KDM4C: variants seen among roughly 807,000 people sequenced by gnomAD.
KDM4C encodes lysine-specific demethylase 4C.
Under a neutral mutation model 129.3 loss-of-function variants are expected in KDM4C, and 81 were observed. That is an observed-to-expected ratio of 0.63 (90% CI 0.52 to 0.75). KDM4C has a LOEUF of 0.75. Among genes scored for constraint, KDM4C ranks in the 30% least tolerant of loss-of-function variants. The pLI is 0.00. For missense variants in KDM4C, 1,457 were observed against 1,304.0 expected (o/e 1.12, Z -1.81); for synonymous variants, 573 against 456.1 (o/e 1.26, Z -3.26).
chr9:7,030,406 T>G (rs1826527453), intron 15 of KDM4C, among the ~76,000 whole-genome samples: 1 of 152,206 alleles, frequency 6.6e-6, no homozygotes, highest in African/African-American at 2.4e-5. Context: ...CATTATACTT[T>G]TGTCCAACCC....
At chr9:7,100,599 C>A (rs1479096966) in intron 17 of KDM4C, among the ~76,000 whole-genome samples, 1 of 152,140 alleles carries the variant, frequency 6.6e-6, no homozygotes, top group African/African-American at 2.4e-5. Flanking sequence ...CTCAGCCTCC[C>A]AAAGTACTGG....
chr9:6,864,775 C>T (rs1343557533), intron 5 of KDM4C, among the ~76,000 whole-genome samples: 1 of 151,158 alleles, frequency 6.6e-6, no homozygotes, highest in East Asian at 1.9e-4. Flanking sequence ...TAGATTTGGT[C>T]TTTAGTGGTA....
At chr9:7,016,746 C>G (rs1290342105) in intron 15 of KDM4C, among the ~76,000 whole-genome samples, 1 of 152,130 alleles carries the variant, frequency 6.6e-6, no homozygotes, top group African/African-American at 2.4e-5. Context: ...TTTCTGGTGG[C>G]AGTCCTCTAC....
chr9:6,818,327 C>G (rs1316606082), intron 4 of KDM4C, among the ~76,000 whole-genome samples: 1 of 152,134 alleles, frequency 6.6e-6, no homozygotes, highest in Non-Finnish European at 1.5e-5. Flanking sequence ...GTTTCAGTTT[C>G]AAGTGTATTG....
At chr9:6,792,808 G>A (rs1270482953) in intron 1 of KDM4C, among the ~76,000 whole-genome samples, 164 bp from the exon 2 acceptor site, 3 of 152,204 alleles carry the variant, frequency 2.0e-5, no homozygotes, top group African/African-American at 7.2e-5. Flanking sequence ...TGTTTGTTCA[G>A]GGGTTCAGGC....
chr9:6,762,729 G>C (rs574159329), intron 1 of KDM4C, among the ~76,000 whole-genome samples: 1 of 150,346 alleles, frequency 6.7e-6, no homozygotes, highest in Admixed American at 6.7e-5. Flanking sequence ...TGTGATTTTG[G>C]CTCACTGCAA....
chr9:6,855,675 T>C (rs754428113), intron 5 of KDM4C, among the ~76,000 whole-genome samples: 38 of 152,060 alleles, frequency 2.5e-4, no homozygotes, highest in Admixed American at 3.3e-4. Flanking sequence ...TCCTCTCCAT[T>C]CCTTCTTTCT....
At chr9:7,083,124 C>G (rs556102057) in intron 17 of KDM4C, among the ~76,000 whole-genome samples, 37 of 152,302 alleles carry the variant, frequency 2.4e-4, no homozygotes, top group Middle Eastern at 3.4e-3. Context: ...GTCAGTATTT[C>G]AAGTCACACA....
At chr9:7,076,973 T>C in intron 17 of KDM4C, 1 of 985,770 alleles carries the variant, frequency 1.0e-6, no homozygotes, top group Non-Finnish European at 1.2e-6. Flanking sequence ...GCCCAGAGGC[T>C]TGAATCTAAG....
chr9:6,790,346 G>A (rs1477294103), intron 1 of KDM4C, among the ~76,000 whole-genome samples: 2 of 151,222 alleles, frequency 1.3e-5, no homozygotes, highest in Non-Finnish European at 2.9e-5. Context: ...CTGGATTCAT[G>A]CCATTCTCCT....
chr9:7,096,404 G>C (rs924188297), intron 17 of KDM4C, among the ~76,000 whole-genome samples: 2 of 152,166 alleles, frequency 1.3e-5, no homozygotes, highest in Non-Finnish European at 2.9e-5. Context: ...AGGAAAAAAG[G>C]GCAGGAAGCA....
At chr9:7,134,986 A>G (rs925531450) in intron 19 of KDM4C, among the ~76,000 whole-genome samples, 3 of 152,112 alleles carry the variant, frequency 2.0e-5, no homozygotes, top group Non-Finnish European at 2.9e-5. Flanking sequence ...CTAGAATTTT[A>G]TTTCCTTTTG....
chr9:7,140,402 C>T (rs1338513048), intron 19 of KDM4C, among the ~76,000 whole-genome samples: 1 of 151,990 alleles, frequency 6.6e-6, no homozygotes, highest in Non-Finnish European at 1.5e-5. Flanking sequence ...AAAAATGTAA[C>T]CAGTGTCTAA....
chr9:6,734,288 G>GTTTTT (rs57329090), intron 1 of KDM4C, among the ~76,000 whole-genome samples: 9 of 110,272 alleles, frequency 8.2e-5, no homozygotes, highest in East Asian at 2.6e-4. Flanking sequence ...CCCATGTTTG[G>GTTTTT]TTTTTTTTTT....
intron 19 of KDM4C, among the ~76,000 whole-genome samples, chr9:7,148,937 A>C (rs142305062): frequency 6.6e-6 from 1 of 152,162 alleles, no homozygotes; most frequent in Non-Finnish European, 1.5e-5. Flanking sequence ...CCTGTTGCAG[A>C]CTTCACCCGG....
intron 1 of KDM4C, among the ~76,000 whole-genome samples, chr9:6,765,425 T>C (rs975304401): frequency 5.9e-5 from 9 of 152,336 alleles, no homozygotes; most frequent in Non-Finnish European, 1.3e-4. Flanking sequence ...GCTTCCCTAA[T>C]GATGAGCTGT....
chr9:7,116,702 C>T (rs914144642), intron 18 of KDM4C, among the ~76,000 whole-genome samples: 2 of 152,152 alleles, frequency 1.3e-5, no homozygotes, highest in African/African-American at 4.8e-5. Context: ...GCACTCCTGC[C>T]GTGGATGTGA....
intron 19 of KDM4C, among the ~76,000 whole-genome samples, chr9:7,145,497 C>G (rs1305852521): frequency 6.6e-6 from 1 of 152,206 alleles, no homozygotes; most frequent in Non-Finnish European, 1.5e-5. Context: ...CTGCTGTGCT[C>G]TATTTTTCCC....
At chr9:6,888,595 C>G (rs999295413) in intron 7 of KDM4C, among the ~76,000 whole-genome samples, 1 of 152,114 alleles carries the variant, frequency 6.6e-6, no homozygotes, top group Non-Finnish European at 1.5e-5. Flanking sequence ...TGCTGGATCC[C>G]ACATTCTTTG....
Sources: gnomAD v4.1 joint callset for allele counts (sites outside exome capture counted in the v4.1 genomes callset) on GRCh38, gnomAD v4.1.1 for gene constraint, MANE v1.5 for transcripts, NCBI Gene and HGNC (gene_info 2026-07-23, HGNC 2026-07-21) for gene names.